PAPOLB: variants seen among roughly 807,000 people sequenced by gnomAD.
PAPOLB encodes poly(A) polymerase beta.
A neutral mutation model predicts 23.2 loss-of-function variants in PAPOLB; 19 were observed. The ratio of observed to expected loss-of-function variants is 0.82; its 90% CI spans 0.57 to 1.20. The LOEUF is 1.20. Ranked by LOEUF, PAPOLB falls within the 50% of genes most tolerant of loss-of-function variation. The pLI is 0.00. For missense variants in PAPOLB, 822 were observed against 776.8 expected (o/e 1.06, Z -0.69); for synonymous variants, 360 against 290.7 (o/e 1.24, Z -2.43).
chr7:4,859,731 T>C lies in PAPOLB; in HGVS notation c.*166A>G, dbSNP rs1783925935. 1.7e-6 allele frequency: 1 copy of C among 599,482 alleles called. No homozygotes were observed. Among genetic ancestry groups the C allele is most frequent in the African/African-American group, 1.9e-5 (1 of 53,924 alleles). 37.1% of individuals were successfully genotyped at this position (599,482 alleles called of 1,614,324 possible). ...ATTGGATTTGCAGGGAGAACAGGGATACCGGAAAGATCTATACTGATGTTC... is the reference window on the plus strand; with the variant it reads ...ATTGGATTTGCAGGGAGAACAGGGACACCGGAAAGATCTATACTGATGTTC... On this transcript the variant is annotated 3_prime_UTR_variant, in exon 1 of 1. Transcript: ENST00000404991.
In PAPOLB at chr7:4,859,947, TTA is replaced by T. The variant is rs2115031390; in HGVS notation, c.1862_1863del (p.Ile621LysfsTer21). On this transcript the variant is annotated frameshift_variant, in exon 1 of 1. Transcript: ENST00000404991. ...VARVVSSTCLISHPDLQETQQ... is the reference protein window; with the variant it reads ...VARVVSSTCLXSHPDLQETQQ... ...TGAGTTTCCTGAAGGTCTGGATGGC[TTA>T]TGAGACATGTTGAAGAAACAACTCT... is the stretch of plus-strand genomic sequence containing the variant. 1 of 1,613,996 alleles carries T rather than the reference TTA, an allele frequency of 6.2e-7. No homozygotes were observed.
rs938648626 is a variant in PAPOLB at position 4,858,812 on chromosome 7, C to A, written c.*1085G>T. On this transcript the variant is annotated 3_prime_UTR_variant, in exon 1 of 1. Coordinates refer to ENST00000404991, the MANE Select transcript of PAPOLB (RefSeq NM_020144.5). ...GGCCACAGGATTGTCAGTTTCACAT[C>A]ATGGTTTAGAGAATATTATTCCTTT... The A allele has an allele frequency of 2.6e-5, 4 of 152,226 alleles. No individual in the cohort carries two copies. The highest frequency in any genetic ancestry group is 5.9e-5 in the Non-Finnish European group (4 of 68,002). 9.4% of individuals were successfully genotyped at this position (152,226 alleles called of 1,614,324 possible). A position where few individuals can be genotyped will look rare whatever the true frequency, so the allele number is the denominator to read the frequency against.
rs1783913852 is a variant in PAPOLB at position 4,859,337 on chromosome 7, C to T, written c.*560G>A. 6.5e-6 allele frequency: 1 copy of T among 152,948 alleles called. No homozygotes were observed. 9.5% of individuals were successfully genotyped at this position (152,948 alleles called of 1,614,324 possible). On this transcript the variant is annotated 3_prime_UTR_variant, in exon 1 of 1. Coordinates refer to ENST00000404991, the MANE Select transcript of PAPOLB (RefSeq NM_020144.5). ...GGAATTCTGATACCAGTTTGTATTG[C>T]ATATTTTCCCAACAATGCATCAAGC... is the stretch of plus-strand genomic sequence containing the variant.
Position 4,861,636 on chromosome 7 carries a change from G to C in PAPOLB, c.175C>G (p.Leu59Val). 6.2e-7 allele frequency: 1 copy of C among 1,610,200 alleles called. No individual in the cohort carries two copies. The highest frequency in any genetic ancestry group is 1.1e-5 in the South Asian group (1 of 90,530). ...TCCAAAACTAAAATCCTGCGCTGCA[G>C]TTCCTCTTCCTCTTCGAAGACCCCG... ...PFGVFEEEEE[L>V]QRRILVLEKL... is the part of the protein sequence containing the mutation. Residue 59 changes from leucine (L) to valine (V), a missense_variant, in exon 1 of 1, where the codon CTG (leucine) becomes GTG (valine). Around this residue, in one of 3 missense-constraint regions of PAPOLB, gnomAD observed 276 missense variants for 243.9 expected, o/e 1.13. Coordinates refer to ENST00000404991, the MANE Select transcript of PAPOLB (RefSeq NM_020144.5).
rs773801036 is a variant in PAPOLB at position 4,861,022 on chromosome 7, A to G, written c.789T>C (p.Asn263=). 6.2e-6 allele frequency: 10 copies of G among 1,614,124 alleles called. No individual in the cohort carries two copies. Among genetic ancestry groups the G allele is most frequent in the African/African-American group, 1.3e-5 (1 of 74,940 alleles). The change falls in exon 1 of 1, where the codon AAT becomes AAC. Residue 263 remains asparagine, a synonymous_variant. Coordinates refer to ENST00000404991, the MANE Select transcript of PAPOLB (RefSeq NM_020144.5). ...LVARTCQLYP[N]AVASTLVRKF... ...TCCGTACAAGAGTTGACGCTACTGC[A>G]TTTGGATAAAGCTGACAAGTTCTTG... is the stretch of plus-strand genomic sequence containing the variant.
chr7:4,861,848 A>ACCGCGACCTTCACGTCCCCCACCC lies in PAPOLB; in HGVS notation c.-39_-38insGGGTGGGGGACGTGAAGGTCGCGG. 13 of 1,385,170 alleles carry ACCGCGACCTTCACGTCCCCCACCC rather than the reference A, an allele frequency of 9.4e-6. No individual in the cohort carries two copies. Among genetic ancestry groups the ACCGCGACCTTCACGTCCCCCACCC allele is most frequent in the Non-Finnish European group, 1.2e-5 (13 of 1,061,336 alleles). The allele number at this position is 1,385,170 out of a possible 1,614,324, so 85.8% of individuals were successfully genotyped here. On this transcript the variant is annotated 5_prime_UTR_variant, in exon 1 of 1. Coordinates refer to ENST00000404991, the MANE Select transcript of PAPOLB (RefSeq NM_020144.5). ...GCCCCGCCAGGGCACGTCCCCCACC[A>ACCGCGACCTTCACGTCCCCCACCC]CCGCGACCTTCGCGGCCGCCGCCCG...
Position 4,861,370 on chromosome 7 carries a change from T to A in PAPOLB, c.441A>T (p.Leu147Phe). The A allele has an allele frequency of 6.2e-7, 1 of 1,614,204 alleles. No individual in the cohort carries two copies. Among genetic ancestry groups the A allele is most frequent in the African/African-American group, 1.3e-5 (1 of 75,082 alleles). Residue 147 changes from leucine (L) to phenylalanine (F), a missense_variant, in exon 1 of 1, where the codon TTA becomes TTT. Physicochemically the swap from Leu to Phe is conservative, Grantham distance 22. Transcript: ENST00000404991. ...GCACAAATGCCTCCTCGACAGCCCT[T>A]AAATCTTTCACTTCCTCCTGTAGTT... ...KLKLQEEVKDLRAVEEAFVPV... is the reference protein window; with the variant it reads ...KLKLQEEVKDFRAVEEAFVPV...
In PAPOLB at chr7:4,861,834, G is replaced by GCACGTCCCCCATCACCGCGACCTT; in HGVS notation, c.-25_-24insAAGGTCGCGGTGATGGGGGACGTG. ...ATCTTTCAGCGCCCGCCCCGCCAGG[G>GCACGTCCCCCATCACCGCGACCTT]CACGTCCCCCACCACCGCGACCTTC... On this transcript the variant is annotated 5_prime_UTR_variant, in exon 1 of 1. In the 5' UTR this introduces an upstream ATG that the reference lacks. Coordinates refer to ENST00000404991, the MANE Select transcript of PAPOLB (RefSeq NM_020144.5). 2 of 1,268,418 alleles carry GCACGTCCCCCATCACCGCGACCTT rather than the reference G, an allele frequency of 1.6e-6. No individual in the cohort carries two copies. Among genetic ancestry groups the GCACGTCCCCCATCACCGCGACCTT allele is most frequent in the Non-Finnish European group, 2.1e-6 (2 of 972,360 alleles). 78.6% of individuals were successfully genotyped at this position (1,268,418 alleles called of 1,614,324 possible).
rs776633669 is a variant in PAPOLB at position 4,858,142 on chromosome 7, GA to G, written c.*1754del. On this transcript the variant is annotated 3_prime_UTR_variant, in exon 1 of 1. Transcript: ENST00000404991. Reference sequence around the variant, plus strand: ...AAGAAATACTGTGTACTAGATATCAGAAAGTAATGGTGAAAGAAAAGTCTCT... The same window carrying G: ...AAGAAATACTGTGTACTAGATATCAGAAGTAATGGTGAAAGAAAAGTCTCT... 2.0e-5 allele frequency: 3 copies of G among 152,366 alleles called. No homozygotes were observed. Among genetic ancestry groups the G allele is most frequent in the Non-Finnish European group, 4.4e-5 (3 of 68,024 alleles). The allele number at this position is 152,366 out of a possible 1,614,324, so 9.4% of individuals were successfully genotyped here.
rs779604742 is a variant in PAPOLB, at chr7:4,860,405, T to C, written c.1406A>G (p.Tyr469Cys). 12 of 1,613,928 alleles carry C rather than the reference T, an allele frequency of 7.4e-6. No individual in the cohort carries two copies. Among genetic ancestry groups the C allele is most frequent in the Non-Finnish European group, 1.0e-5 (12 of 1,179,768 alleles). The change falls in exon 1 of 1, where the codon TAT (tyrosine) becomes TGT (cysteine). Residue 469 changes from tyrosine to cysteine, a missense_variant. Transcript: ENST00000404991. ...CATCTTACTATTCACTGCTTGCCTA[T>C]AAACAGTATCTGTGAAAGACTGGAT... ...YDIQSFTDTV[Y>C]RQAVNSKMFE...
In PAPOLB at chr7:4,860,684, AT is replaced by A. The variant is rs1371634807; in HGVS notation, c.1126del (p.Ile376LeufsTer14). On this transcript the variant is annotated frameshift_variant, in exon 1 of 1. Transcript: ENST00000404991. ...PSFFQKYKHY[I>X]VLLASASTEK... ...TGTTGATGCACTTGCCAGAAGTACAATATAATGCTTGTACTTTTGAAAGAAG... is the reference window on the plus strand; with the variant it reads ...TGTTGATGCACTTGCCAGAAGTACAAATAATGCTTGTACTTTTGAAAGAAG... 6.2e-7 allele frequency: 1 copy of A among 1,614,222 alleles called. No homozygotes were observed. Among genetic ancestry groups the A allele is most frequent in the East Asian group, 2.2e-5 (1 of 44,880 alleles).
rs1421255408 is a variant in PAPOLB at position 4,860,781 on chromosome 7, GTTTA to G, written c.1026_1029del (p.Lys343ArgfsTer11). On this transcript the variant is annotated frameshift_variant, in exon 1 of 1. Coordinates refer to ENST00000404991, the MANE Select transcript of PAPOLB (RefSeq NM_020144.5). Reference sequence around the variant, plus strand: ...ATCTCGTGTGTGATAGCAAGCCCCTGTTTAAACTCCTCAATCATGACCATCCTGG... The same window carrying G: ...ATCTCGTGTGTGATAGCAAGCCCCTGAACTCCTCAATCATGACCATCCTGG... 1 of 1,614,194 alleles carries G rather than the reference GTTTA, an allele frequency of 6.2e-7. No individual in the cohort carries two copies. The highest frequency in any genetic ancestry group is 1.7e-5 in the Admixed American group (1 of 60,018).
chr7:4,859,678 C>T lies in PAPOLB; in HGVS notation c.*219G>A. ...TTGAGGTTGTTTTTAACCATTCAAC[C>T]TGTTTTACTGAATTCTTGATAACAG... On this transcript the variant is annotated 3_prime_UTR_variant, in exon 1 of 1. Coordinates refer to ENST00000404991, the MANE Select transcript of PAPOLB (RefSeq NM_020144.5). 1 of 551,908 alleles carries T rather than the reference C, an allele frequency of 1.8e-6. No individual in the cohort carries two copies. The highest frequency in any genetic ancestry group is 3.2e-6 in the Non-Finnish European group (1 of 310,712). The allele number at this position is 551,908 out of a possible 1,614,324, so 34.2% of individuals were successfully genotyped here.
Position 4,859,138 on chromosome 7 carries a change from C to G in PAPOLB, c.*759G>C, listed in dbSNP as rs114798646. The G allele has an allele frequency of 2.0e-5, 3 of 152,424 alleles. No homozygotes were observed. Among genetic ancestry groups the G allele is most frequent in the Non-Finnish European group, 2.9e-5 (2 of 68,018 alleles). 9.4% of individuals were successfully genotyped at this position (152,424 alleles called of 1,614,324 possible). A position where few individuals can be genotyped will look rare whatever the true frequency, so the allele number is the denominator to read the frequency against. ...TTACAGCTACCTCATAGGGACTGAG[C>G]TAGATGTACTTTTATGCTTTCTCTG... On this transcript the variant is annotated 3_prime_UTR_variant, in exon 1 of 1. Transcript: ENST00000404991.
Position 4,861,834 on chromosome 7 carries a change from G to GCACGTCCCCAACCACCGCGACCTT in PAPOLB, c.-25_-24insAAGGTCGCGGTGGTTGGGGACGTG. The GCACGTCCCCAACCACCGCGACCTT allele has an allele frequency of 7.9e-7, 1 of 1,268,420 alleles. No homozygotes were observed. Among genetic ancestry groups the GCACGTCCCCAACCACCGCGACCTT allele is most frequent in the Non-Finnish European group, 1.0e-6 (1 of 972,360 alleles). The allele number at this position is 1,268,420 out of a possible 1,614,324, so 78.6% of individuals were successfully genotyped here. A position where few individuals can be genotyped will look rare whatever the true frequency, so the allele number is the denominator to read the frequency against. ...ATCTTTCAGCGCCCGCCCCGCCAGG[G>GCACGTCCCCAACCACCGCGACCTT]CACGTCCCCCACCACCGCGACCTTC... is the stretch of plus-strand genomic sequence containing the variant. On this transcript the variant is annotated 5_prime_UTR_variant, in exon 1 of 1. Transcript: ENST00000404991.
Position 4,861,851 on chromosome 7 carries a change from G to A in PAPOLB, c.-41C>T. On this transcript the variant is annotated 5_prime_UTR_variant, in exon 1 of 1. Transcript: ENST00000404991. ...CCGCCAGGGCACGTCCCCCACCACC[G>A]CGACCTTCGCGGCCGCCGCCCGGGT... 1.5e-6 allele frequency: 2 copies of A among 1,352,476 alleles called. No individual in the cohort carries two copies. The highest frequency in any genetic ancestry group is 1.9e-6 in the Non-Finnish European group (2 of 1,033,776). The allele number at this position is 1,352,476 out of a possible 1,614,324, so 83.8% of individuals were successfully genotyped here.
In PAPOLB at chr7:4,860,298, C is replaced by T; in HGVS notation, c.1513G>A (p.Asp505Asn). 1 of 1,613,918 alleles carries T rather than the reference C, an allele frequency of 6.2e-7. No individual in the cohort carries two copies. The highest frequency in any genetic ancestry group is 8.5e-7 in the Non-Finnish European group (1 of 1,179,864). Residue 505 changes from aspartate to asparagine, a missense_variant, in exon 1 of 1, where the codon GAC becomes AAC. Asp to Asn is a conservative substitution (Grantham distance 23). Around this residue, in one of 3 missense-constraint regions of PAPOLB, gnomAD observed 534 missense variants for 502.8 expected, o/e 1.06. Coordinates refer to ENST00000404991, the MANE Select transcript of PAPOLB (RefSeq NM_020144.5). Reference protein sequence around the residue: ...HQLLPHHVLQDKKAHSTEGRR... With the variant: ...HQLLPHHVLQNKKAHSTEGRR... ...CCTTCTGTTGAGTGTGCTTTCTTGT[C>T]CTGAAGCACATGATGAGGCAGCAGC...
Position 4,860,892 on chromosome 7 carries a change from G to T in PAPOLB, c.919C>A (p.Pro307Thr), listed in dbSNP as rs771343936. Residue 307 changes from proline to threonine, a missense_variant, in exon 1 of 1, where the codon CCC becomes ACC. Coordinates refer to ENST00000404991, the MANE Select transcript of PAPOLB (RefSeq NM_020144.5). Reference sequence around the variant, plus strand: ...GGCATAAGATGGTACCTATCACTGGGATTTACTCTTGGGTCCCATACAGGC... The same window carrying T: ...GGCATAAGATGGTACCTATCACTGGTATTTACTCTTGGGTCCCATACAGGC... The part of the protein sequence containing the change: ...NLPVWDPRVN[P>T]SDRYHLMPII... The T allele has an allele frequency of 6.2e-7, 1 of 1,614,172 alleles. No individual in the cohort carries two copies. Among genetic ancestry groups the T allele is most frequent in the Non-Finnish European group, 8.5e-7 (1 of 1,180,014 alleles).
Position 4,861,761 on chromosome 7 carries a change from G to A in PAPOLB, c.50C>T (p.Pro17Leu), listed in dbSNP as rs1425722710. The part of the protein sequence containing the change: ...TTQGPPQPAP[P>L]PNRYGVSSPI... ...CGAGGAGACGCCGTAGCGATTCGGC[G>A]GCGGCGCCGGCTGCGGTGGTCCCTG... Residue 17 changes from proline (P) to leucine (L), a missense_variant, in exon 1 of 1, where the codon CCG (proline) becomes CTG (leucine). By Grantham distance (98) the Pro-to-Leu change is moderately conservative. Around this residue, in one of 3 missense-constraint regions of PAPOLB, gnomAD observed 276 missense variants for 243.9 expected, o/e 1.13. Transcript: ENST00000404991. 7 of 1,486,438 alleles carry A rather than the reference G, an allele frequency of 4.7e-6. No homozygotes were observed. Among genetic ancestry groups the A allele is most frequent in the African/African-American group, 1.4e-5 (1 of 70,260 alleles). The allele number at this position is 1,486,438 out of a possible 1,614,324, so 92.1% of individuals were successfully genotyped here. A position where few individuals can be genotyped will look rare whatever the true frequency, so the allele number is the denominator to read the frequency against.
Sources: gnomAD v4.1 joint callset for allele counts on GRCh38, gnomAD v4.1.1 for gene constraint, gnomAD v4.1.1 regional missense constraint, MANE v1.5 for transcripts, NCBI Gene and HGNC (gene_info 2026-07-23, HGNC 2026-07-21) for gene names.